Variants in KCNN2 observed in about 807,000 individuals in gnomAD.
KCNN2 encodes the protein small conductance calcium-activated potassium channel protein 2.
A neutral mutation model predicts 55.5 loss-of-function variants in KCNN2; 24 were observed. The observed-to-expected ratio is 0.43, with a 90% confidence interval of 0.31 to 0.61. The LOEUF is 0.61. KCNN2 is among the 20% of genes least tolerant of loss of function. The probability of loss-of-function intolerance (pLI) is 0.08; values close to 1 mark genes in which losing one functional copy is unlikely to be tolerated. For missense variants in KCNN2, 754 were observed against 853.6 expected (o/e 0.88, Z 1.45); for synonymous variants, 431 against 336.1 (o/e 1.28, Z -3.09).
intron 5 of KCNN2, among the ~76,000 whole-genome samples, chr5:114,474,767 A>G (rs1230459321): frequency 1.3e-5 from 2 of 152,174 alleles, no homozygotes. Context: ...CTTGTAATCC[A>G]TATTATTTTA....
At chr5:114,229,356 TC>T (rs1285256287) in intron 2 of KCNN2, among the ~76,000 whole-genome samples, 7 of 151,926 alleles carry the variant, frequency 4.6e-5, no homozygotes, top group Non-Finnish European at 4.4e-5. Flanking sequence ...AACTTAGTAT[TC>T]AGATACAATA....
chr5:114,483,950 G>A (rs1250066121), intron 5 of KCNN2, among the ~76,000 whole-genome samples: 1 of 152,084 alleles, frequency 6.6e-6, no homozygotes, highest in East Asian at 1.9e-4. Flanking sequence ...TACGTAGGTT[G>A]AATTTGTAAG....
At chr5:114,459,009 T>C (rs1761066905) in intron 3 of KCNN2, among the ~76,000 whole-genome samples, 2 of 152,220 alleles carry the variant, frequency 1.3e-5, no homozygotes, top group South Asian at 4.1e-4. Flanking sequence ...CACTGATTCC[T>C]TGGGAAAGAT....
chr5:114,237,290 A>ACT (rs1491448331), intron 2 of KCNN2, among the ~76,000 whole-genome samples: 18 of 140,014 alleles, frequency 1.3e-4, no homozygotes, highest in Admixed American at 2.2e-4. Context: ...ACACACACAC[A>ACT]CTCACACACA....
chr5:114,208,582 C>T (rs187466065), intron 1 of KCNN2, among the ~76,000 whole-genome samples: 10 of 152,210 alleles, frequency 6.6e-5, no homozygotes, highest in East Asian at 1.9e-4. Flanking sequence ...TGCTTTTATA[C>T]GAAGCTGACA....
intron 1 of KCNN2, among the ~76,000 whole-genome samples, chr5:114,157,719 C>A (rs568282629): frequency 5.6e-4 from 85 of 152,244 alleles, no homozygotes; most frequent in African/African-American, 2.0e-3. Context: ...GAGATGGTAT[C>A]TCATTATGGT....
At chr5:114,113,181 C>T (rs1751637341) in intron 1 of KCNN2, among the ~76,000 whole-genome samples, 1 of 151,948 alleles carries the variant, frequency 6.6e-6, no homozygotes, top group African/African-American at 2.4e-5. Context: ...TGTTCAATGT[C>T]GAATGAGTCT....
rs538655284 is a variant in KCNN2 at position 114,490,581 on chromosome 5, A to G, written c.2019-2822A>G. On this transcript the variant is annotated intron_variant, in intron 6 of 7. Transcript: ENST00000673685. The stretch of plus-strand genomic sequence containing the variant: ...CATAACAGGATCTTCCAGCTAATGA[A>G]TCGAGCCCCTTGTGCACAACTGAAC... The G allele has an allele frequency of 5.3e-4, 209 of 396,544 alleles. 2 individuals are homozygous for G. Among genetic ancestry groups the G allele is most frequent in the Non-Finnish European group, 7.6e-4 (170 of 224,760 alleles). 24.6% of individuals were successfully genotyped at this position (396,544 alleles called of 1,614,324 possible).
At chr5:114,322,482 T>C (rs1756631235) in intron 2 of KCNN2, among the ~76,000 whole-genome samples, 1 of 152,198 alleles carries the variant, frequency 6.6e-6, no homozygotes. Context: ...AGTTCAAAGA[T>C]TATAAATAAA....
intron 2 of KCNN2, among the ~76,000 whole-genome samples, chr5:114,241,143 A>G (rs1211804055): frequency 1.3e-5 from 2 of 151,896 alleles, no homozygotes; most frequent in East Asian, 1.9e-4. Context: ...GTTATGAAAT[A>G]TAACAAACAT....
chr5:114,341,069 T>G (rs947523109), intron 2 of KCNN2, among the ~76,000 whole-genome samples: 1 of 152,216 alleles, frequency 6.6e-6, no homozygotes, highest in Admixed American at 6.5e-5. Flanking sequence ...TATACCACAT[T>G]TTCTTTATCC....
chr5:114,465,095 C>T (rs1232729291), intron 4 of KCNN2, among the ~76,000 whole-genome samples: 1 of 152,130 alleles, frequency 6.6e-6, no homozygotes, highest in African/African-American at 2.4e-5. Context: ...TCAGGTGTGA[C>T]TCAAGGGTCA....
chr5:114,056,581 G>T, intron 1 of KCNN2: 1 of 395,792 alleles, frequency 2.5e-6, no homozygotes, highest in East Asian at 3.6e-5. Context: ...ATACTAAAGT[G>T]AAGTTTGCCT....
At chr5:114,411,497 G>A (rs756842354) in intron 3 of KCNN2, among the ~76,000 whole-genome samples, 2 of 152,094 alleles carry the variant, frequency 1.3e-5, no homozygotes, top group African/African-American at 2.4e-5. Flanking sequence ...TCAGATCCAA[G>A]GAAGCCAGTG....
chr5:114,482,350 G>A (rs1378880211), intron 5 of KCNN2, among the ~76,000 whole-genome samples: 1 of 152,064 alleles, frequency 6.6e-6, no homozygotes, highest in Non-Finnish European at 1.5e-5. Flanking sequence ...CCATCAGAAT[G>A]GCCATTATTA....
chr5:114,352,482 AAT>A (rs1757225239), intron 2 of KCNN2, among the ~76,000 whole-genome samples: 1 of 151,840 alleles, frequency 6.6e-6, no homozygotes, highest in Non-Finnish European at 1.5e-5. Flanking sequence ...CTCATAAAGT[AAT>A]ATGTTACTTT....
At chr5:114,170,654 G>T (rs905952936) in intron 1 of KCNN2, among the ~76,000 whole-genome samples, 2 of 151,890 alleles carry the variant, frequency 1.3e-5, no homozygotes, top group Admixed American at 1.3e-4. Context: ...TGAAAATTAT[G>T]GCTCGTCTCT....
At chr5:114,115,306 G>C (rs1426117643) in intron 1 of KCNN2, among the ~76,000 whole-genome samples, 1 of 152,004 alleles carries the variant, frequency 6.6e-6, no homozygotes, top group African/African-American at 2.4e-5. Context: ...GCATTGTATT[G>C]AATACTAACC....
At chr5:114,221,551 A>T (rs1171188221) in exon 2 of KCNN2, among the ~76,000 whole-genome samples, 1 of 152,202 alleles carries the variant, frequency 6.6e-6, no homozygotes, top group Non-Finnish European at 1.5e-5. Flanking sequence ...ATGGAGTGGG[A>T]TATAAGCAAT....
Sources: allele counts gnomAD v4.1 joint callset (sites outside exome capture counted in the v4.1 genomes callset), GRCh38; gene constraint gnomAD v4.1.1; transcripts MANE v1.5; gene names NCBI Gene and HGNC (gene_info 2026-07-23, HGNC 2026-07-21).